MEIS2: variants seen among roughly 807,000 people sequenced by gnomAD.
MEIS2 encodes Meis homeobox 2.
MEIS2 carries 9 observed loss-of-function variants against 58.6 expected under a neutral mutation model. That is an observed-to-expected ratio of 0.15 (90% CI 0.09 to 0.27). MEIS2 has a LOEUF of 0.27. Among genes scored for constraint, MEIS2 ranks in the 10% least tolerant of loss-of-function variants. The pLI is 1.00. For synonymous variants in MEIS2, 221 were observed against 228.4 expected (o/e 0.97, Z 0.29); for missense variants, 427 against 635.0 (o/e 0.67, Z 3.52).
chr15:36,990,970 C>A (rs2060250764), intron 8 of MEIS2, among the ~76,000 whole-genome samples: 1 of 152,058 alleles, frequency 6.6e-6, no homozygotes, highest in African/African-American at 2.4e-5. Context: ...TGAGCTTTTG[C>A]CTCTTTATTT....
intron 8 of MEIS2, among the ~76,000 whole-genome samples, chr15:36,986,156 T>A (rs978577522): frequency 1.3e-5 from 2 of 152,232 alleles, no homozygotes; most frequent in South Asian, 2.1e-4. Context: ...GTCCTCCTTT[T>A]CATTAGCAAA....
At chr15:37,009,378 G>T (rs529862436) in intron 8 of MEIS2, among the ~76,000 whole-genome samples, 30 of 152,316 alleles carry the variant, frequency 2.0e-4, no homozygotes, top group African/African-American at 6.7e-4. Flanking sequence ...TAATACATTT[G>T]GGGTTCAGGT....
Position 37,026,321 on chromosome 15 carries a change from GATCACACC to G in MEIS2, c.900+10485_900+10492del, listed in dbSNP as rs2061704280. On this transcript the variant is annotated intron_variant, in intron 8 of 11. Transcript: ENST00000561208. ...GTTGTTTTTTGTCAGCGTACGATGG[GATCACACC>G]ATGTATTCTGGGTAAGAAAAAAGCC... 2.6e-5 allele frequency among the ~76,000 whole-genome samples: 4 copies of G among 152,226 alleles called. No homozygotes were observed. In the South Asian group the frequency reaches 8.3e-4, roughly 32 times the overall value.
chr15:37,093,839 G>A (rs2140089124), intron 5 of MEIS2, 109 bp from the exon 6 acceptor site: 1 of 1,415,212 alleles, frequency 7.1e-7, no homozygotes, highest in East Asian at 2.3e-5. Flanking sequence ...TTTGCAAAGA[G>A]CAACAGTGTG....
chr15:37,037,906 C>T (rs995922649), intron 7 of MEIS2, among the ~76,000 whole-genome samples: 3 of 152,128 alleles, frequency 2.0e-5, no homozygotes, highest in African/African-American at 4.8e-5. Flanking sequence ...AAACAAGATC[C>T]GACTTGTGGC....
chr15:36,921,331 C>G (rs2057498115), intron 9 of MEIS2, among the ~76,000 whole-genome samples: 1 of 152,160 alleles, frequency 6.6e-6, no homozygotes, highest in South Asian at 2.1e-4. Context: ...TCCAATAGAA[C>G]ATGAAGCATA....
intron 6 of MEIS2, among the ~76,000 whole-genome samples, chr15:37,088,795 C>G (rs1372187917): frequency 6.6e-6 from 1 of 152,052 alleles, no homozygotes; most frequent in Non-Finnish European, 1.5e-5. Context: ...ACAGAAATGT[C>G]TTGTATTGTT....
intron 9 of MEIS2, among the ~76,000 whole-genome samples, chr15:36,946,991 T>A (rs1284767287): frequency 6.6e-6 from 1 of 152,032 alleles, no homozygotes; most frequent in East Asian, 1.9e-4. Flanking sequence ...TCGTTGCTAT[T>A]CCTCTCTCCT....
At chr15:36,910,606 T>TA (rs2056963314) in intron 9 of MEIS2, among the ~76,000 whole-genome samples, 1 of 152,246 alleles carries the variant, frequency 6.6e-6, no homozygotes, top group South Asian at 2.1e-4. Context: ...TTTCCATCTT[T>TA]AGATTTCCCC....
intron 3 of MEIS2, 152 bp downstream of exon 3, chr15:37,096,137 G>T: frequency 1.3e-6 from 1 of 792,356 alleles, no homozygotes; most frequent in Non-Finnish European, 1.9e-6. Context: ...TTCGCCCCCA[G>T]GCTCAGGGAT....
chr15:37,096,016 G>A (rs1894181335), intron 3 of MEIS2: 1 of 450,712 alleles, frequency 2.2e-6, no homozygotes, highest in African/African-American at 1.9e-5. Context: ...CTGGAGGCGG[G>A]GGAAAAAGGC....
At chr15:36,971,710 G>A (rs2059578771) in intron 8 of MEIS2, among the ~76,000 whole-genome samples, 1 of 151,942 alleles carries the variant, frequency 6.6e-6, no homozygotes, top group African/African-American at 2.4e-5. Flanking sequence ...GAAGAAAAAT[G>A]AAAGCTAAGT....
At chr15:36,988,148 AAAAG>A (rs1433079641) in intron 8 of MEIS2, among the ~76,000 whole-genome samples, 1 of 152,200 alleles carries the variant, frequency 6.6e-6, no homozygotes, top group Admixed American at 6.5e-5. Flanking sequence ...CAAAAATAAG[AAAAG>A]AAAGGCAACT....
At chr15:36,977,724 G>T (rs1382119842) in intron 8 of MEIS2, among the ~76,000 whole-genome samples, 2 of 152,182 alleles carry the variant, frequency 1.3e-5, no homozygotes, top group East Asian at 3.8e-4. Flanking sequence ...TTTATTTACA[G>T]AACTCCCTAT....
intron 9 of MEIS2, among the ~76,000 whole-genome samples, chr15:36,948,312 T>C (rs1044277731): frequency 2.0e-5 from 3 of 151,912 alleles, no homozygotes; most frequent in African/African-American, 7.2e-5. Context: ...TCCGTGTATA[T>C]GCCTTGGGGC....
chr15:36,922,641 T>C (rs2057565793), intron 9 of MEIS2, among the ~76,000 whole-genome samples: 2 of 141,168 alleles, frequency 1.4e-5, no homozygotes, highest in South Asian at 2.3e-4. Context: ...TTTTTTGTGA[T>C]GGAGTTTTGC....
intron 6 of MEIS2, among the ~76,000 whole-genome samples, chr15:37,093,246 C>T (rs1204826338): frequency 6.6e-6 from 1 of 152,162 alleles, no homozygotes; most frequent in Non-Finnish European, 1.5e-5. Flanking sequence ...ACTGATTACA[C>T]AAAATTAAGA....
At chr15:36,971,537 TAAAAAAAAA>T (rs71126247) in intron 8 of MEIS2, among the ~76,000 whole-genome samples, 3 of 67,114 alleles carry the variant, frequency 4.5e-5, no homozygotes, top group Admixed American at 1.9e-4. Flanking sequence ...CTTGTTACAT[TAAAAAAAAA>T]AAAAAAAAAA....
intron 7 of MEIS2, among the ~76,000 whole-genome samples, chr15:37,076,085 A>G (rs950150485): frequency 2.6e-5 from 4 of 152,034 alleles, no homozygotes; most frequent in African/African-American, 7.2e-5. Flanking sequence ...TAAATTTGGT[A>G]TATAAAAGTG....
Sources: gnomAD v4.1 joint callset for allele counts (sites outside exome capture counted in the v4.1 genomes callset) on GRCh38, gnomAD v4.1.1 for gene constraint, MANE v1.5 for transcripts, NCBI Gene and HGNC (gene_info 2026-07-23, HGNC 2026-07-21) for gene names.